The following IDO2 variants were observed in gnomAD, a reference collection of about 807,000 sequenced individuals.
IDO2 encodes indoleamine 2,3-dioxygenase 2.
A neutral mutation model predicts 45.1 loss-of-function variants in IDO2; 46 were observed. The ratio of observed to expected loss-of-function variants is 1.02; its 90% CI spans 0.80 to 1.30. IDO2 has a LOEUF of 1.30. IDO2 is among the 50% of genes most tolerant of loss of function. The pLI is 0.00. For missense variants in IDO2, 544 were observed against 491.8 expected, an observed-to-expected ratio of 1.11 and a Z score of -1.00; for synonymous variants, 218 against 184.9, an observed-to-expected ratio of 1.18 and a Z score of -1.45.
At chr8:40,013,522 C>G in intron 9 of IDO2, 43 bp from the exon 10 acceptor site, 1 of 1,567,960 alleles carries the variant, frequency 6.4e-7, no homozygotes, top group Non-Finnish European at 8.7e-7. Context: ...ATACCATTAC[C>G]TCCCTGCACC....
In IDO2 at chr8:39,986,022, G is replaced by A. The variant is rs574794843; in HGVS notation, c.449+500G>A. The A allele has an allele frequency of 2.6e-3, 406 of 153,690 alleles. 2 individuals are homozygous for A. Among genetic ancestry groups the A allele is most frequent in the Middle Eastern group, 3.4e-3 (1 of 298 alleles). The allele number at this position is 153,690 out of a possible 1,614,324, so 9.5% of individuals were successfully genotyped here. Reference sequence around the variant, plus strand: ...TTTTTGTATTTTTAGTTGAGACAGCGTTTCACTATATTGGCCAGGCAGGTC... The same window carrying A: ...TTTTTGTATTTTTAGTTGAGACAGCATTTCACTATATTGGCCAGGCAGGTC... On this transcript the variant is annotated intron_variant, in intron 6 of 10. Coordinates refer to ENST00000502986, the Ensembl canonical transcript of IDO2.
intron 3 of IDO2, among the ~76,000 whole-genome samples, chr8:39,973,509 A>G (rs1012117678): frequency 6.6e-6 from 1 of 152,164 alleles, no homozygotes; most frequent in South Asian, 2.1e-4. Context: ...CAATGAAATC[A>G]GTAAATTTTA....
At chr8:39,952,763 G>C (rs1478475677) in intron 2 of IDO2, among the ~76,000 whole-genome samples, 1 of 150,378 alleles carries the variant, frequency 6.6e-6, no homozygotes, top group African/African-American at 2.5e-5. Flanking sequence ...CCGGAAATGA[G>C]GCTCTGGAGT....
intron 1 of IDO2, among the ~76,000 whole-genome samples, chr8:39,939,982 T>A (rs553211804): frequency 5.5e-4 from 83 of 152,292 alleles, no homozygotes; most frequent in African/African-American, 2.0e-3. Context: ...ATACCCCGAC[T>A]GATAGAAATG....
At chr8:39,995,603 C>A (rs963046361) in intron 8 of IDO2, among the ~76,000 whole-genome samples, 2 of 152,040 alleles carry the variant, frequency 1.3e-5, no homozygotes, top group African/African-American at 4.8e-5. Flanking sequence ...AGGGCACGAG[C>A]TGTTCCAGTA....
At chr8:39,952,458 G>A (rs538168373) in intron 2 of IDO2, among the ~76,000 whole-genome samples, 1 of 152,296 alleles carries the variant, frequency 6.6e-6, no homozygotes, top group African/African-American at 2.4e-5. Flanking sequence ...GGTCAAGACA[G>A]TGAATAAAAA....
At chr8:39,951,737 G>A (rs1471782223) in intron 2 of IDO2, among the ~76,000 whole-genome samples, 3 of 152,206 alleles carry the variant, frequency 2.0e-5, no homozygotes, top group African/African-American at 4.8e-5. Context: ...ATCCTGCCTA[G>A]TTCCAAAGGA....
At chr8:40,009,740 C>T (rs1802282326) in intron 9 of IDO2, among the ~76,000 whole-genome samples, 1 of 152,114 alleles carries the variant, frequency 6.6e-6, no homozygotes, top group South Asian at 2.1e-4. Flanking sequence ...GGTGTTTTCT[C>T]TGTCACCTTC....
chr8:39,991,324 A>G (rs1585413847), intron 8 of IDO2, among the ~76,000 whole-genome samples: 1 of 152,140 alleles, frequency 6.6e-6, no homozygotes, highest in East Asian at 1.9e-4. Flanking sequence ...GGCTTTGCCA[A>G]GCTGAAATGA....
chr8:39,978,806 C>T (rs1459559020), intron 3 of IDO2, among the ~76,000 whole-genome samples: 2 of 152,052 alleles, frequency 1.3e-5, no homozygotes, highest in East Asian at 3.9e-4. Context: ...GGGAGGCTGC[C>T]ACAGCCATGG....
chr8:39,956,258 C>G (rs1408014684), intron 2 of IDO2, among the ~76,000 whole-genome samples: 1 of 152,046 alleles, frequency 6.6e-6, no homozygotes, highest in Admixed American at 6.6e-5. Flanking sequence ...GACGGGATTT[C>G]CCCATGTTGG....
intron 3 of IDO2, among the ~76,000 whole-genome samples, chr8:39,974,244 G>C (rs544506345): frequency 6.6e-6 from 1 of 152,074 alleles, no homozygotes; most frequent in African/African-American, 2.4e-5. Context: ...ACAGACCCAT[G>C]TGTGTATGGA....
At chr8:39,982,462 A>C (rs925541386) in intron 4 of IDO2, among the ~76,000 whole-genome samples, 190 bp from the exon 5 acceptor site, 3 of 152,156 alleles carry the variant, frequency 2.0e-5, no homozygotes, top group African/African-American at 7.2e-5. Flanking sequence ...ACTCATAAGC[A>C]GTATTTCCAC....
At chr8:39,981,413 C>T (rs1808349934) in intron 4 of IDO2, among the ~76,000 whole-genome samples, 1 of 152,092 alleles carries the variant, frequency 6.6e-6, no homozygotes, top group Non-Finnish European at 1.5e-5. Context: ...AGGCACGTCC[C>T]AGTGGGTCCT....
intron 8 of IDO2, among the ~76,000 whole-genome samples, chr8:39,990,492 C>T (rs555142821): frequency 2.0e-5 from 3 of 152,340 alleles, no homozygotes; most frequent in South Asian, 4.1e-4. Flanking sequence ...AAAATCACCA[C>T]CTTGCACAAA....
At chr8:39,939,098 A>C (rs1807600878) in intron 1 of IDO2, among the ~76,000 whole-genome samples, 1 of 152,038 alleles carries the variant, frequency 6.6e-6, no homozygotes, top group Non-Finnish European at 1.5e-5. Flanking sequence ...CTAAAAATAC[A>C]AAAATTAGCC....
intron 8 of IDO2, 70 bp from the exon 9 acceptor site, chr8:40,005,256 AG>A (rs1218513550): frequency 1.1e-6 from 1 of 943,676 alleles, no homozygotes; most frequent in Non-Finnish European, 1.6e-6. Flanking sequence ...GGACAGCAGC[AG>A]GGCCCATGCA....
Position 39,935,250 on chromosome 8 carries a change from C to T in IDO2, c.-18+32C>T, listed in dbSNP as rs941504366. 12 of 1,568,406 alleles carry T rather than the reference C, an allele frequency of 7.7e-6. No homozygotes were observed. The Admixed American group carries it at 8.4e-5, about 11-fold the overall frequency. ...ACACTGGTAACTTCTTTTCTAACCTCGTATGCATAATGTAAACATCAAGAC... is the reference window on the plus strand; with the variant it reads ...ACACTGGTAACTTCTTTTCTAACCTTGTATGCATAATGTAAACATCAAGAC... On this transcript the variant is annotated intron_variant, in intron 1 of 10. Coordinates refer to ENST00000502986, the Ensembl canonical transcript of IDO2.
chr8:39,976,996 T>C (rs1219323977), intron 3 of IDO2, among the ~76,000 whole-genome samples: 1 of 152,180 alleles, frequency 6.6e-6, no homozygotes, highest in African/African-American at 2.4e-5. Flanking sequence ...GTGAGAAAAG[T>C]ATTAATAATT....
Sources: allele counts gnomAD v4.1 joint callset (sites outside exome capture counted in the v4.1 genomes callset), GRCh38; gene constraint gnomAD v4.1.1; transcripts MANE v1.5; gene names NCBI Gene and HGNC (gene_info 2026-07-23, HGNC 2026-07-21).